The following ATP1B3 variants were observed in gnomAD, a reference collection of about 807,000 sequenced individuals.
ATP1B3 encodes the protein sodium/potassium-transporting ATPase subunit beta-3.
In ATP1B3, 10 loss-of-function variants were observed where a neutral mutation model predicts 30.2. The observed-to-expected ratio is 0.33, with a 90% CI of 0.20 to 0.56. The LOEUF (loss-of-function observed/expected upper bound fraction) is 0.56, where lower values mean the gene tolerates loss of function less well. Among genes scored for constraint, ATP1B3 ranks in the 20% least tolerant of loss-of-function variants. The pLI is 0.90. For missense variants in ATP1B3, 238 were observed against 336.7 expected, an observed-to-expected ratio of 0.71 and a Z score of 2.29; for synonymous variants, 113 against 117.0, an observed-to-expected ratio of 0.97 and a Z score of 0.22.
At chr3:141,910,964 T>C (rs1175973035) in intron 3 of ATP1B3, among the ~76,000 whole-genome samples, 1 of 152,098 alleles carries the variant, frequency 6.6e-6, no homozygotes, top group Non-Finnish European at 1.5e-5. Flanking sequence ...CTCAGTTCTT[T>C]GTAATTTGCC....
intron 1 of ATP1B3, among the ~76,000 whole-genome samples, chr3:141,903,342 G>T (rs1365816510): frequency 6.6e-6 from 1 of 152,122 alleles, no homozygotes; most frequent in African/African-American, 2.4e-5. Context: ...GAATTTTAAA[G>T]CTTTGATTTT....
intron 6 of ATP1B3, among the ~76,000 whole-genome samples, chr3:141,924,339 CAAA>C (rs34894586): frequency 1.7e-4 from 19 of 112,890 alleles, no homozygotes; most frequent in Admixed American, 1.8e-4. Flanking sequence ...TGCAATGTCT[CAAA>C]AAAAAAAAAA....
At chr3:141,898,301 TA>T (rs1379432162) in intron 1 of ATP1B3, among the ~76,000 whole-genome samples, 3 of 152,176 alleles carry the variant, frequency 2.0e-5, no homozygotes, top group African/African-American at 7.2e-5. Flanking sequence ...ATAACATTAT[TA>T]GGAAAGTAAA....
intron 5 of ATP1B3, chr3:141,916,684 A>G (rs1934470673): frequency 7.1e-6 from 6 of 847,864 alleles, no homozygotes; most frequent in South Asian, 6.2e-5. Context: ...TTACATTGAA[A>G]TCACTTTTAA....
At chr3:141,909,782 T>C (rs1934329094) in intron 3 of ATP1B3, among the ~76,000 whole-genome samples, 1 of 152,170 alleles carries the variant, frequency 6.6e-6, no homozygotes, top group Non-Finnish European at 1.5e-5. Context: ...TTTTAAGCAG[T>C]GAACAATAAC....
chr3:141,895,308 C>T (rs1934043273), intron 1 of ATP1B3, among the ~76,000 whole-genome samples: 2 of 151,670 alleles, frequency 1.3e-5, no homozygotes, highest in African/African-American at 2.4e-5. Context: ...CCTGCCTCAG[C>T]CTCCCGAGTA....
At chr3:141,902,159 T>C (rs1443501833) in intron 1 of ATP1B3, 1 of 1,289,882 alleles carries the variant, frequency 7.8e-7, no homozygotes, top group Admixed American at 2.3e-5. Flanking sequence ...GGTAGGGAAG[T>C]GATGCTGTCT....
At chr3:141,918,058 G>A (rs182038209) in intron 5 of ATP1B3, among the ~76,000 whole-genome samples, 133 of 152,094 alleles carry the variant, frequency 8.7e-4, no homozygotes, top group African/African-American at 2.8e-3. Flanking sequence ...GTGAGCCACC[G>A]CGCCCAGCTG....
At chr3:141,901,623 T>G (rs922280744) in intron 1 of ATP1B3, among the ~76,000 whole-genome samples, 2 of 152,224 alleles carry the variant, frequency 1.3e-5, no homozygotes, top group East Asian at 3.8e-4. Flanking sequence ...TTCTTTATAC[T>G]CATTATTTTC....
intron 6 of ATP1B3, 85 bp downstream of exon 6, chr3:141,922,148 A>G (rs761687218): frequency 1.3e-6 from 1 of 763,628 alleles, no homozygotes; most frequent in Non-Finnish European, 2.1e-6. Context: ...TGGGGTAGGT[A>G]GACGCCAGCC....
At chr3:141,903,871 TC>T in intron 2 of ATP1B3, 123 bp downstream of exon 2, 1 of 1,181,508 alleles carries the variant, frequency 8.5e-7, no homozygotes, top group Non-Finnish European at 1.2e-6. Flanking sequence ...AACCTCTGCC[TC>T]CCAGGTTCAA....
chr3:141,917,522 C>T (rs1289126551), intron 5 of ATP1B3, among the ~76,000 whole-genome samples: 1 of 151,790 alleles, frequency 6.6e-6, no homozygotes. Context: ...ACTGAAACCT[C>T]GTCTCTACTA....
chr3:141,923,939 C>G (rs9880808), intron 6 of ATP1B3, among the ~76,000 whole-genome samples: 43,349 of 152,090 alleles, frequency 0.29, 6,433 homozygotes, highest in African/African-American at 0.34. Flanking sequence ...CATTTCATTC[C>G]GTTAATGGTG....
At chr3:141,922,260 A>T (rs773080985) in intron 6 of ATP1B3, 197 bp downstream of exon 6, 4 of 434,656 alleles carry the variant, frequency 9.2e-6, no homozygotes, top group African/African-American at 8.4e-5. Flanking sequence ...ACCCAAGCAG[A>T]TACGTTAAAG....
At chr3:141,885,243 T>C (rs1186140449) in intron 1 of ATP1B3, among the ~76,000 whole-genome samples, 1 of 152,176 alleles carries the variant, frequency 6.6e-6, no homozygotes, top group Non-Finnish European at 1.5e-5. Flanking sequence ...ACTACAATTA[T>C]TTTAGGAATT....
At chr3:141,903,823 C>G in intron 2 of ATP1B3, 75 bp downstream of exon 2, 1 of 1,533,846 alleles carries the variant, frequency 6.5e-7, no homozygotes, top group Middle Eastern at 1.8e-4. Context: ...CTCTTGTTGC[C>G]CAGGCTGGAA....
At chr3:141,880,725 G>C (rs1385885862) in intron 1 of ATP1B3, among the ~76,000 whole-genome samples, 4 of 152,124 alleles carry the variant, frequency 2.6e-5, no homozygotes, top group Non-Finnish European at 4.4e-5. Flanking sequence ...AGATACCCCA[G>C]TGTAAACTGT....
chr3:141,885,189 C>G (rs188727486), intron 1 of ATP1B3, among the ~76,000 whole-genome samples: 9 of 152,294 alleles, frequency 5.9e-5, no homozygotes, highest in Admixed American at 5.9e-4. Context: ...AATAACATCG[C>G]TTGAACCTCT....
At position 141,899,990 on chromosome 3, in the gene ATP1B3, C is replaced by T. The variant is rs529178377; in HGVS notation, c.110-3630C>T. ...AGGATGCAGTGAGCTTTGATTGCAC[C>T]GCTGTACTCCAGCCTGGGTGACAGA... On this transcript the variant is annotated intron_variant, in intron 1 of 6. Transcript: ENST00000286371. Among the ~76,000 whole-genome samples, 26 of 152,132 alleles carry T rather than the reference C, an allele frequency of 1.7e-4. No individual in the cohort carries two copies. The South Asian group carries it at 4.4e-3, about 25-fold the overall frequency.
Sources: gnomAD v4.1 joint callset for allele counts (sites outside exome capture counted in the v4.1 genomes callset) on GRCh38, gnomAD v4.1.1 for gene constraint, MANE v1.5 for transcripts, NCBI Gene and HGNC (gene_info 2026-07-23, HGNC 2026-07-21) for gene names.